Variants in TET3 observed in about 807,000 individuals in gnomAD.
The protein encoded by TET3 is tet methylcytosine dioxygenase 3.
TET3 carries 19 observed loss-of-function variants against 141.4 expected under a neutral mutation model. The observed-to-expected ratio is 0.13, with a 90% CI of 0.09 to 0.20. The LOEUF (loss-of-function observed/expected upper bound fraction) is 0.20, where lower values mean the gene tolerates loss of function less well. Ranked by LOEUF, TET3 falls within the 10% of genes least tolerant of loss-of-function variation. The pLI, the probability that TET3 is intolerant of heterozygous loss-of-function variation, is 1.00. For missense variants in TET3, 1,874 were observed against 2,356.9 expected (o/e 0.80, Z 4.24); for synonymous variants, 1,043 against 980.9 (o/e 1.06, Z -1.18).
chr2:74,076,608 C>CTT (rs565794507), intron 5 of TET3, among the ~76,000 whole-genome samples: 8 of 141,860 alleles, frequency 5.6e-5, no homozygotes, highest in African/African-American at 2.1e-4. Context: ...ACCAGCATAC[C>CTT]TTTTTTTTTT....
chr2:74,069,965 C>T (rs951187060), intron 4 of TET3, among the ~76,000 whole-genome samples: 3 of 152,138 alleles, frequency 2.0e-5, no homozygotes, highest in African/African-American at 7.2e-5. Context: ...ACTTTTGTGA[C>T]AATGATTTCC....
At chr2:74,125,654 C>T in the TET3 span, among the ~76,000 whole-genome samples, 1 of 152,018 alleles carries the variant, frequency 6.6e-6, no homozygotes, top group South Asian at 2.1e-4. Context: ...AAGACTTCAG[C>T]TCTCATATAT....
intron 7 of TET3, among the ~76,000 whole-genome samples, chr2:74,089,358 G>A (rs901906607): frequency 1.3e-5 from 2 of 152,132 alleles, no homozygotes; most frequent in African/African-American, 2.4e-5. Flanking sequence ...TCAATGAGTC[G>A]TAATCCACTG....
In TET3 at chr2:74,027,810, ATGC is replaced by A. The variant is rs1309576155; in HGVS notation, c.361-18463_361-18461del. ...TTTTCACTTTGGGCTGTTATGAATA[ATGC>A]TGCTATGAACATTTATATACACGTT... On this transcript the variant is annotated intron_variant, in intron 3 of 11. Coordinates refer to ENST00000409262, the MANE Select transcript of TET3 (RefSeq NM_001287491.2). 2.8e-4 allele frequency among the ~76,000 whole-genome samples: 42 copies of A among 152,182 alleles called. 1 individual carries two copies. Among genetic ancestry groups the A allele is most frequent in the Admixed American group, 2.7e-3 (42 of 15,276 alleles).
chr2:74,020,346 G>A (rs1183706122), intron 3 of TET3, among the ~76,000 whole-genome samples: 1 of 152,124 alleles, frequency 6.6e-6, no homozygotes, highest in African/African-American at 2.4e-5. Flanking sequence ...ACCACACCCA[G>A]CTATTCTTTG....
intron 3 of TET3, among the ~76,000 whole-genome samples, chr2:74,026,300 G>A (rs369910702): frequency 2.0e-4 from 30 of 152,302 alleles, no homozygotes; most frequent in South Asian, 1.7e-3. Flanking sequence ...GGGCCCAGCC[G>A]CTGCTTTCTG....
In TET3 at chr2:74,105,183, A is replaced by G; in HGVS notation, c.*3007A>G. The G allele has an allele frequency of 2.5e-6, 1 of 398,536 alleles. No homozygotes were observed. The highest frequency in any genetic ancestry group is 3.6e-5 in the East Asian group (1 of 28,080). The allele number at this position is 398,536 out of a possible 1,614,324, so 24.7% of individuals were successfully genotyped here. ...AAAATAAAGCCATTGCAACTAAAGA[A>G]CCTAACAGCATGACCAAGTTCGAAG... On this transcript the variant is annotated 3_prime_UTR_variant, in exon 12 of 12. Coordinates refer to ENST00000409262, the MANE Select transcript of TET3 (RefSeq NM_001287491.2).
chr2:74,031,910 G>A (rs1686715967), intron 3 of TET3, among the ~76,000 whole-genome samples: 1 of 152,172 alleles, frequency 6.6e-6, no homozygotes, highest in South Asian at 2.1e-4. Context: ...TGGTACCTGG[G>A]AGGCCATGGG....
At position 74,000,155 on chromosome 2, in the gene TET3, C is replaced by A. The variant is rs565908473; in HGVS notation, c.304-2955C>A. Among the ~76,000 whole-genome samples the A allele has an allele frequency of 2.0e-5, 3 of 152,208 alleles. No individual in the cohort carries two copies. The South Asian group carries it at 6.2e-4, about 32-fold the overall frequency. ...AGATCACAGTTCAGTTCTGGCAGGT[C>A]CTGCCCTCCCAGGACAGCGGGTGTC... On this transcript the variant is annotated intron_variant, in intron 2 of 11. Transcript: ENST00000409262.
At chr2:74,082,783 G>A (rs190667969) in intron 6 of TET3, among the ~76,000 whole-genome samples, 17 of 152,218 alleles carry the variant, frequency 1.1e-4, no homozygotes, top group African/African-American at 4.1e-4. Flanking sequence ...AGTTGAAGAG[G>A]AGTTGGGTGC....
At chr2:74,135,493 G>C in the TET3 span, 1 of 1,535,796 alleles carries the variant, frequency 6.5e-7, no homozygotes, top group Non-Finnish European at 9.0e-7. Context: ...ATGTATATGA[G>C]CAAAATATAT....
Position 74,105,592 on chromosome 2 carries a change from CGAT to C in TET3, c.*3418_*3420del, listed in dbSNP as rs1312567718. The C allele has an allele frequency of 1.0e-5, 4 of 391,038 alleles. No individual in the cohort carries two copies. Among genetic ancestry groups the C allele is most frequent in the Non-Finnish European group, 1.8e-5 (4 of 221,100 alleles). The allele number at this position is 391,038 out of a possible 1,614,324, so 24.2% of individuals were successfully genotyped here. On this transcript the variant is annotated 3_prime_UTR_variant, in exon 12 of 12. Transcript: ENST00000409262. ...CTGCTTTGCCTTCTCACCAAGGTGA[CGAT>C]GGTGTGCGTGGAAAGAGATGATACC...
intron 2 of TET3, among the ~76,000 whole-genome samples, chr2:73,989,665 T>C (rs1195702607): frequency 1.3e-5 from 2 of 152,138 alleles, no homozygotes; most frequent in Non-Finnish European, 2.9e-5. Context: ...TGGGTCCTAA[T>C]GTGAGGTTGG....
chr2:74,062,126 G>A (rs1316632013), intron 4 of TET3, among the ~76,000 whole-genome samples: 2 of 152,220 alleles, frequency 1.3e-5, no homozygotes, highest in Non-Finnish European at 2.9e-5. Flanking sequence ...TCCAGCCTGG[G>A]CACCATTGAG....
In TET3 at chr2:74,062,513, C is replaced by G. The variant is rs193232080; in HGVS notation, c.2495-11036C>G. On this transcript the variant is annotated intron_variant, in intron 4 of 11. Transcript: ENST00000409262. ...GAGGGAAATATGTTCCTGAGGATAC[C>G]AGTGAAAAGCAGAAGTAAAGGAGGA... is the stretch of plus-strand genomic sequence containing the variant. Among the ~76,000 whole-genome samples the G allele has an allele frequency of 1.9e-3, 290 of 152,052 alleles. 1 individual carries two copies. Among genetic ancestry groups the G allele is most frequent in the Admixed American group, 2.9e-3 (44 of 15,288 alleles).
chr2:74,110,552 G>A (rs138375913), downstream of TET3, among the ~76,000 whole-genome samples: 447 of 152,242 alleles, frequency 2.9e-3, no homozygotes, highest in Non-Finnish European at 4.7e-3. Flanking sequence ...ATAATCCAGT[G>A]TACATTCTTG....
At chr2:74,130,742 A>G in the TET3 span, 2 of 151,992 alleles carry the variant, frequency 1.3e-5, no homozygotes, top group African/African-American at 2.4e-5. Context: ...GGGACCGCAG[A>G]CTCGTCGGGC....
intron 4 of TET3, among the ~76,000 whole-genome samples, chr2:74,050,062 C>T (rs56210947): frequency 2.2e-3 from 339 of 152,274 alleles, no homozygotes; most frequent in Non-Finnish European, 3.0e-3. Flanking sequence ...TTTAGCACCT[C>T]GTTTCTCCTT....
intron 3 of TET3, among the ~76,000 whole-genome samples, chr2:74,007,811 T>A (rs1685220486): frequency 6.6e-6 from 1 of 152,230 alleles, no homozygotes; most frequent in Non-Finnish European, 1.5e-5. Context: ...TTTTTGTTTG[T>A]TTGTTTTTTG....
Sources: gnomAD v4.1 joint callset for allele counts (sites outside exome capture counted in the v4.1 genomes callset) on GRCh38, gnomAD v4.1.1 for gene constraint, MANE v1.5 for transcripts, NCBI Gene and HGNC (gene_info 2026-07-23, HGNC 2026-07-21) for gene names.